Variants in WWTR1 observed in about 807,000 individuals in gnomAD.
The protein encoded by WWTR1 is WW domain-containing transcription regulator protein 1.
In WWTR1, 13 loss-of-function variants were observed where a neutral mutation model predicts 40.1. The observed-to-expected ratio is 0.32, with a 90% confidence interval of 0.21 to 0.52. WWTR1 has a LOEUF of 0.52. WWTR1 is among the 20% of genes least tolerant of loss of function. The probability of loss-of-function intolerance (pLI) is 0.97; values close to 1 mark genes in which losing one functional copy is unlikely to be tolerated. For missense variants in WWTR1, 436 were observed against 523.1 expected (o/e 0.83, Z 1.63); for synonymous variants, 230 against 210.1 (o/e 1.09, Z -0.82).
intron 2 of WWTR1, among the ~76,000 whole-genome samples, chr3:149,615,698 C>T (rs1739940442): frequency 6.6e-6 from 1 of 152,174 alleles, no homozygotes; most frequent in Non-Finnish European, 1.5e-5. Context: ...CATGCCTGTT[C>T]AGTTGGTATT....
In WWTR1 at chr3:149,602,633, C is replaced by G. The variant is rs975089446; in HGVS notation, c.432-29633G>C. Among the ~76,000 whole-genome samples, 7 of 152,284 alleles carry G rather than the reference C, an allele frequency of 4.6e-5. No homozygotes were observed. The East Asian group carries it at 1.4e-3, about 29-fold the overall frequency. On this transcript the variant is annotated intron_variant, in intron 2 of 6. Transcript: ENST00000360632. Reference sequence around the variant, plus strand: ...TATTTTCATCCTTGTTTACACTGGCCACACTGACACTCAATTGGTGAGAAA... The same window carrying G: ...TATTTTCATCCTTGTTTACACTGGCGACACTGACACTCAATTGGTGAGAAA...
At chr3:149,587,373 A>G (rs899044745) in intron 2 of WWTR1, among the ~76,000 whole-genome samples, 2 of 152,162 alleles carry the variant, frequency 1.3e-5, no homozygotes, top group African/African-American at 4.8e-5. Context: ...CTAAAGTAAT[A>G]ACATTTCAGC....
intron 4 of WWTR1, among the ~76,000 whole-genome samples, chr3:149,718,945 C>T (rs1485479306): frequency 6.6e-6 from 1 of 151,690 alleles, no homozygotes; most frequent in Non-Finnish European, 1.5e-5. Context: ...CCTGCCTCAG[C>T]CTCCTGAGGA....
chr3:149,620,562 G>A (rs1299494165), intron 2 of WWTR1, among the ~76,000 whole-genome samples: 21 of 94,950 alleles, frequency 2.2e-4, no homozygotes, highest in Non-Finnish European at 3.4e-4. Context: ...CTCCTCCACC[G>A]CTCCCCCCCA....
intron 2 of WWTR1, among the ~76,000 whole-genome samples, chr3:149,590,220 T>G (rs1408432479): frequency 1.3e-5 from 2 of 152,174 alleles, no homozygotes; most frequent in Non-Finnish European, 2.9e-5. Context: ...TCATATTAAT[T>G]ATTAGTCATA....
chr3:149,594,348 T>A (rs920283296), intron 2 of WWTR1, among the ~76,000 whole-genome samples: 9 of 152,154 alleles, frequency 5.9e-5, no homozygotes, highest in African/African-American at 1.7e-4. Flanking sequence ...CGATTTTTTT[T>A]AAATGGTGTA....
At chr3:149,557,319 G>A (rs912121271) in intron 3 of WWTR1, among the ~76,000 whole-genome samples, 11 of 152,102 alleles carry the variant, frequency 7.2e-5, no homozygotes, top group South Asian at 2.1e-4. Context: ...TGATCCGCCC[G>A]CCTGGGCCTC....
At chr3:149,586,589 G>GAC (rs1738438987) in intron 2 of WWTR1, among the ~76,000 whole-genome samples, 1 of 152,150 alleles carries the variant, frequency 6.6e-6, no homozygotes, top group African/African-American at 2.4e-5. Context: ...TTCGGCTCCT[G>GAC]ACACAGAGCT....
chr3:149,599,546 T>G (rs1239594059), intron 2 of WWTR1, among the ~76,000 whole-genome samples: 1 of 152,244 alleles, frequency 6.6e-6, no homozygotes, highest in Non-Finnish European at 1.5e-5. Context: ...CCAACTGACC[T>G]TGACTGAAAA....
rs963468962 is a variant in WWTR1, at chr3:149,657,258, C to T, written c.49G>A (p.Val17Met). Residue 17 changes from valine to methionine, a missense_variant, in exon 2 of 7, where the codon GTG becomes ATG. Transcript: ENST00000360632. Reference sequence around the variant, plus strand: ...TCTAGGTCCTGCGTGACGTGGATCACTTGCTGCCCAGGCGGCGGGAGCGGA... The same window carrying T: ...TCTAGGTCCTGCGTGACGTGGATCATTTGCTGCCCAGGCGGCGGGAGCGGA... ...PPPLPPPGQQVIHVTQDLDTD... is the reference protein window; with the variant it reads ...PPPLPPPGQQMIHVTQDLDTD... 1.2e-6 allele frequency: 2 copies of T among 1,613,312 alleles called. No homozygotes were observed. Among genetic ancestry groups the T allele is most frequent in the Non-Finnish European group, 1.7e-6 (2 of 1,179,724 alleles).
chr3:149,554,789 A>G (rs889377138), intron 3 of WWTR1, among the ~76,000 whole-genome samples: 1 of 152,190 alleles, frequency 6.6e-6, no homozygotes, highest in Non-Finnish European at 1.5e-5. Flanking sequence ...ATATCTCAAG[A>G]TTTATCACAA....
chr3:149,677,010 A>G (rs1714284065), intron 1 of WWTR1, among the ~76,000 whole-genome samples: 1 of 151,378 alleles, frequency 6.6e-6, no homozygotes, highest in African/African-American at 2.4e-5. Context: ...TCTGCCTCCC[A>G]GGTTCAAGCA....
At chr3:149,723,507 TTTG>T (rs1270572842) in intron 4 of WWTR1, among the ~76,000 whole-genome samples, 3 of 152,102 alleles carry the variant, frequency 2.0e-5, no homozygotes, top group African/African-American at 7.2e-5. Flanking sequence ...GTTTTCTGTT[TTTG>T]TTGTTGTTGT....
chr3:149,635,157 G>T (rs543722527), intron 2 of WWTR1, among the ~76,000 whole-genome samples: 1 of 152,188 alleles, frequency 6.6e-6, no homozygotes, highest in Non-Finnish European at 1.5e-5. Context: ...GAGTGCTGGG[G>T]ATACAGTGCT....
upstream of WWTR1, among the ~76,000 whole-genome samples, chr3:149,661,634 G>A (rs148035492): frequency 0.014 from 2,094 of 152,096 alleles, 33 homozygotes; most frequent in East Asian, 0.063. Context: ...ATGTTGGCCA[G>A]GCTGATCTTG....
At chr3:149,611,299 G>A (rs971718095) in intron 2 of WWTR1, among the ~76,000 whole-genome samples, 1 of 152,184 alleles carries the variant, frequency 6.6e-6, no homozygotes, top group Non-Finnish European at 1.5e-5. Context: ...ACTACAGCCT[G>A]CAGGCCAAGT....
chr3:149,662,959 T>C (rs1713648060), upstream of WWTR1, among the ~76,000 whole-genome samples: 1 of 152,206 alleles, frequency 6.6e-6, no homozygotes, highest in South Asian at 2.1e-4. Flanking sequence ...AATCTCTCCC[T>C]TCTTCCTAAA....
intron 2 of WWTR1, among the ~76,000 whole-genome samples, chr3:149,579,428 C>T (rs1255132255): frequency 6.6e-6 from 1 of 152,162 alleles, no homozygotes; most frequent in African/African-American, 2.4e-5. Context: ...TGTCTTCATC[C>T]CCTCAGTGAA....
At chr3:149,622,267 C>A (rs1280130941) in intron 2 of WWTR1, among the ~76,000 whole-genome samples, 2 of 151,982 alleles carry the variant, frequency 1.3e-5, no homozygotes, top group East Asian at 1.9e-4. Flanking sequence ...TCTTTTCTAT[C>A]AAGTTGTTGT....
Sources: gnomAD v4.1 joint callset for allele counts (sites outside exome capture counted in the v4.1 genomes callset) on GRCh38, gnomAD v4.1.1 for gene constraint, MANE v1.5 for transcripts, NCBI Gene and HGNC (gene_info 2026-07-23, HGNC 2026-07-21) for gene names.